The following FAM114A1 variants were observed in gnomAD, a reference collection of about 807,000 sequenced individuals.
FAM114A1 encodes the protein family with sequence similarity 114 member A1, also known as protein NOXP20.
Under a neutral mutation model 64.3 loss-of-function variants are expected in FAM114A1, and 62 were observed. That is an observed-to-expected ratio of 0.96 (90% CI 0.79 to 1.19). FAM114A1 has a LOEUF of 1.19. FAM114A1 is among the 50% of genes most tolerant of loss of function. The pLI is 0.00. For synonymous variants in FAM114A1, 254 were observed against 251.1 expected (o/e 1.01, Z -0.11); for missense variants, 645 against 676.3 (o/e 0.95, Z 0.51).
intron 3 of FAM114A1, among the ~76,000 whole-genome samples, chr4:38,880,286 G>T (rs540727388): frequency 7.9e-5 from 12 of 152,178 alleles, no homozygotes; most frequent in Non-Finnish European, 1.3e-4. Context: ...GGCCAGGATT[G>T]AGAATAATTA....
intron 1 of FAM114A1, 155 bp downstream of exon 1, chr4:38,867,989 G>A (rs766592386): frequency 1.5e-5 from 6 of 392,218 alleles, no homozygotes; most frequent in South Asian, 5.5e-5. Flanking sequence ...AGTGGTCAGG[G>A]AGGACCCGGC....
intron 2 of FAM114A1, among the ~76,000 whole-genome samples, chr4:38,873,785 G>T (rs1714339052): frequency 6.6e-6 from 1 of 152,166 alleles, no homozygotes; most frequent in Non-Finnish European, 1.5e-5. Flanking sequence ...ATCGTGGGAG[G>T]TAAGCCTGGT....
chr4:38,905,885 C>G (rs1318191297), intron 6 of FAM114A1, 24 bp downstream of exon 6: 1 of 1,592,806 alleles, frequency 6.3e-7, no homozygotes, highest in South Asian at 1.1e-5. Context: ...TGCTTCCTCT[C>G]TTTCCCCTGT....
At chr4:38,918,053 C>G (rs1719241641) in intron 8 of FAM114A1, among the ~76,000 whole-genome samples, 1 of 149,398 alleles carries the variant, frequency 6.7e-6, no homozygotes, top group African/African-American at 2.5e-5. Context: ...CCCGTCTCTA[C>G]TAAAAAAAAA....
chr4:38,869,999 T>G (rs34325610), intron 2 of FAM114A1, among the ~76,000 whole-genome samples: 15 of 152,094 alleles, frequency 9.9e-5, no homozygotes, highest in Non-Finnish European at 1.6e-4. Flanking sequence ...AGGTGGAGTT[T>G]GGAAAAAAAA....
chr4:38,876,159 A>C (rs1714598082), intron 2 of FAM114A1, among the ~76,000 whole-genome samples: 1 of 125,220 alleles, frequency 8.0e-6, no homozygotes. Context: ...TTCTAGACTT[A>C]TTCTTTTTTC....
intron 4 of FAM114A1, among the ~76,000 whole-genome samples, chr4:38,902,766 T>C (rs1381522634): frequency 6.6e-6 from 1 of 152,180 alleles, no homozygotes; most frequent in Non-Finnish European, 1.5e-5. Context: ...AACTGTACCC[T>C]ATAGTATTAT....
intron 7 of FAM114A1, among the ~76,000 whole-genome samples, chr4:38,911,352 T>G (rs1379072748): frequency 6.6e-6 from 1 of 152,172 alleles, no homozygotes; most frequent in Admixed American, 6.5e-5. Context: ...AGGTCTGCCT[T>G]AGTGCCCTGC....
intron 3 of FAM114A1, among the ~76,000 whole-genome samples, chr4:38,882,867 T>C (rs1715429624): frequency 6.6e-6 from 1 of 152,220 alleles, no homozygotes; most frequent in Non-Finnish European, 1.5e-5. Flanking sequence ...ACTTGGCAGA[T>C]GGGGTGTTGC....
chr4:38,927,498 C>T (rs1003417175), intron 9 of FAM114A1, among the ~76,000 whole-genome samples: 4 of 152,058 alleles, frequency 2.6e-5, no homozygotes, highest in African/African-American at 9.7e-5. Context: ...AATCACACCC[C>T]CAAAGCCTCA....
At chr4:38,886,128 TGGAGGGAGGATGGACAAG>T (rs1221950223) in intron 3 of FAM114A1, among the ~76,000 whole-genome samples, 1 of 150,856 alleles carries the variant, frequency 6.6e-6, no homozygotes, top group African/African-American at 2.4e-5. Flanking sequence ...AGTCTTGCTG[TGGAGGGAGGATGGACAAG>T]GGAGGTGAAT....
At chr4:38,939,644 C>G (rs1357040629) in intron 13 of FAM114A1, among the ~76,000 whole-genome samples, 1 of 152,128 alleles carries the variant, frequency 6.6e-6, no homozygotes, top group Non-Finnish European at 1.5e-5. Context: ...AGTAGAGTAA[C>G]GTCAATGAAA....
rs146387811 is a variant in FAM114A1, at chr4:38,941,523, C to T, written c.1590+502C>T. ...TGTGACTTCTCACTCTGTGGCCTGC[C>T]CACTCACTAGGACTTTGCAGCATCA... On this transcript the variant is annotated intron_variant, in intron 14 of 14. Coordinates refer to ENST00000358869, the MANE Select transcript of FAM114A1 (RefSeq NM_138389.4). Among the ~76,000 whole-genome samples the T allele has an allele frequency of 7.2e-5, 11 of 152,326 alleles. No homozygotes were observed. In the East Asian group the frequency reaches 2.1e-3, roughly 29 times the overall value.
chr4:38,893,690 G>A (rs1273856061), intron 4 of FAM114A1, among the ~76,000 whole-genome samples: 1 of 152,122 alleles, frequency 6.6e-6, no homozygotes, highest in East Asian at 1.9e-4. Context: ...AAGGTTTTCT[G>A]TCCATGAACT....
chr4:38,894,188 A>G (rs1716687058), intron 4 of FAM114A1, among the ~76,000 whole-genome samples: 1 of 138,908 alleles, frequency 7.2e-6, no homozygotes, highest in African/African-American at 2.6e-5. Flanking sequence ...AAAAAAAAAA[A>G]GCAGGGTGTG....
intron 9 of FAM114A1, among the ~76,000 whole-genome samples, chr4:38,925,134 C>A (rs1381112907): frequency 1.3e-5 from 2 of 152,156 alleles, no homozygotes; most frequent in African/African-American, 4.8e-5. Flanking sequence ...ATAGAAAAAC[C>A]TGAAGTGCGA....
At chr4:38,876,169 C>T (rs113294041) in intron 2 of FAM114A1, among the ~76,000 whole-genome samples, 4,429 of 68,532 alleles carry the variant, frequency 0.065, 203 homozygotes, top group African/African-American at 0.13. Context: ...ATTCTTTTTT[C>T]TTTTTTTTTT....
intron 7 of FAM114A1, among the ~76,000 whole-genome samples, chr4:38,910,410 C>T (rs1428415956): frequency 6.6e-6 from 1 of 152,204 alleles, no homozygotes; most frequent in African/African-American, 2.4e-5. Flanking sequence ...AGGAGCTCGT[C>T]CCAGGGGGCT....
intron 7 of FAM114A1, among the ~76,000 whole-genome samples, chr4:38,912,792 C>G (rs999512220): frequency 4.6e-5 from 7 of 152,168 alleles, no homozygotes; most frequent in Non-Finnish European, 8.8e-5. Flanking sequence ...GAGGTGGAAG[C>G]TGGTGTAGAG....
Sources: gnomAD v4.1 joint callset for allele counts (sites outside exome capture counted in the v4.1 genomes callset) on GRCh38, gnomAD v4.1.1 for gene constraint, MANE v1.5 for transcripts, NCBI Gene and HGNC (gene_info 2026-07-23, HGNC 2026-07-21) for gene names.